The following BCAS3 variants were observed in gnomAD, a reference collection of about 807,000 sequenced individuals.
BCAS3 encodes the protein BCAS3 microtubule associated cell migration factor.
Under a neutral mutation model 116.1 loss-of-function variants are expected in BCAS3, and 53 were observed. That is an observed-to-expected ratio of 0.46 (90% CI 0.37 to 0.57). The LOEUF (loss-of-function observed/expected upper bound fraction) is 0.57, where lower values mean the gene tolerates loss of function less well. Ranked by LOEUF, BCAS3 falls within the 20% of genes least tolerant of loss-of-function variation. The pLI is 0.00. For synonymous variants in BCAS3, 391 were observed against 408.2 expected (o/e 0.96, Z 0.51); for missense variants, 917 against 1,165.4 (o/e 0.79, Z 3.10).
At chr17:61,179,128 A>C (rs1040494356) in intron 22 of BCAS3, among the ~76,000 whole-genome samples, 1 of 152,116 alleles carries the variant, frequency 6.6e-6, no homozygotes, top group Admixed American at 6.5e-5. Flanking sequence ...ACTTACACCC[A>C]GGTAGATTAG....
In BCAS3 at chr17:61,366,620, C is replaced by G. The variant is rs1474221262; in HGVS notation, c.2426-1707C>G. On this transcript the variant is annotated intron_variant, in intron 22 of 23. Transcript: ENST00000407086. This position sits in a 1 kb window ranked among gnomAD's most constrained non-coding sequence, Gnocchi z 4.5. ...CCCCATTTTCCAGAGCCTAGCTTAC[C>G]AGATCTACAGCCTGACCCTACTTGA... 6.6e-6 allele frequency among the ~76,000 whole-genome samples: 1 copy of G among 152,178 alleles called. No homozygotes were observed. Among genetic ancestry groups the G allele is most frequent in the Admixed American group, 6.5e-5 (1 of 15,274 alleles).
chr17:61,207,829 AAG>A (rs1347259586), intron 22 of BCAS3, among the ~76,000 whole-genome samples: 1 of 152,146 alleles, frequency 6.6e-6, no homozygotes, highest in East Asian at 1.9e-4. Context: ...GATTTAAACT[AAG>A]AGAAATAAGG....
Position 60,770,400 on chromosome 17 carries a change from C to CTT in BCAS3, c.403+23157_403+23158dup, listed in dbSNP as rs35691381. Among the ~76,000 whole-genome samples, 203 of 76,888 alleles carry CTT rather than the reference C, an allele frequency of 2.6e-3. 71 individuals carry two copies. The highest frequency in any genetic ancestry group is 4.7e-3 in the Non-Finnish European group (161 of 33,966). 50.4% of individuals were successfully genotyped at this position (76,888 alleles called of 152,430 possible). ...CGCCTCTCTCATCCCAGTGTTCCCT[C>CTT]TTTTTTTTTTTTTTTTTTTTTTTTT... On this transcript the variant is annotated intron_variant, in intron 6 of 23. Coordinates refer to ENST00000407086, the MANE Select transcript of BCAS3 (RefSeq NM_017679.5).
chr17:60,799,211 G>A (rs927989128), intron 6 of BCAS3, among the ~76,000 whole-genome samples: 5 of 152,072 alleles, frequency 3.3e-5, no homozygotes, highest in African/African-American at 9.7e-5. Context: ...CTAGCAAGAA[G>A]TTTTCTCTTT....
Position 60,960,421 on chromosome 17 carries a change from A to G in BCAS3, c.1221+13069A>G, listed in dbSNP as rs1342736029. 6.6e-6 allele frequency among the ~76,000 whole-genome samples: 1 copy of G among 152,234 alleles called. No homozygotes were observed. Among genetic ancestry groups the G allele is most frequent in the African/African-American group, 2.4e-5 (1 of 41,460 alleles). ...AAGTTACCTCCTGCCAAAATACAGT[A>G]GTAGGATATGCGTAGGATAGACATT... On this transcript the variant is annotated intron_variant, in intron 14 of 23. Transcript: ENST00000407086. The surrounding 1 kb of genome is among the most constrained non-coding windows in gnomAD (Gnocchi z 4.1).
In BCAS3 at chr17:60,814,298, T is replaced by C. The variant is rs1447112967; in HGVS notation, c.476+6222T>C. Among the ~76,000 whole-genome samples, 413 of 115,104 alleles carry C rather than the reference T, an allele frequency of 3.6e-3. 1 individual carries two copies. Among genetic ancestry groups the C allele is most frequent in the African/African-American group, 0.017 (309 of 18,178 alleles). 75.5% of individuals were successfully genotyped at this position (115,104 alleles called of 152,430 possible). A position where few individuals can be genotyped will look rare whatever the true frequency, so the allele number is the denominator to read the frequency against. On this transcript the variant is annotated intron_variant, in intron 7 of 23. Coordinates refer to ENST00000407086, the MANE Select transcript of BCAS3 (RefSeq NM_017679.5). ...GTGTGTGTGTGTGTGTGTGTGTGTG[T>C]GTGTGTGTGCGCGCGTGCCCATTGC...
In BCAS3 at chr17:61,276,493, A is replaced by T. The variant is rs942251763; in HGVS notation, c.2426-91834A>T. On this transcript the variant is annotated intron_variant, in intron 22 of 23. Coordinates refer to ENST00000407086, the MANE Select transcript of BCAS3 (RefSeq NM_017679.5). This position sits in a 1 kb window ranked among gnomAD's most constrained non-coding sequence, Gnocchi z 4.2. ...AGTACTCAGGAATAAATTTAACCGA[A>T]GTAAAAATTTTATAAACTACAAATC... is the stretch of plus-strand genomic sequence containing the variant. Among the ~76,000 whole-genome samples the T allele has an allele frequency of 6.6e-5, 10 of 152,246 alleles. No individual in the cohort carries two copies.
chr17:60,818,630 C>T (rs550680382), intron 7 of BCAS3, among the ~76,000 whole-genome samples: 104 of 152,196 alleles, frequency 6.8e-4, no homozygotes, highest in African/African-American at 2.4e-3. Context: ...TAGATTTATG[C>T]CGTTTTCCCA....
chr17:61,116,270 A>C (rs201597357), intron 22 of BCAS3, among the ~76,000 whole-genome samples: 1,123 of 41,770 alleles, frequency 0.027, 10 homozygotes, highest in African/African-American at 0.06. Context: ...ATAAATAAAT[A>C]AATAAAATAA....
rs1651519185 is a variant in BCAS3 at position 61,300,515 on chromosome 17, AG to A, written c.2426-67811del. ...TACCAGATTTCATTGCAGACTCTTT[AG>A]AAAAAATGTATGGCATCTTGACGCA... On this transcript the variant is annotated intron_variant, in intron 22 of 23. Transcript: ENST00000407086. The surrounding 1 kb of genome is among the most constrained non-coding windows in gnomAD (Gnocchi z 5.1). Among the ~76,000 whole-genome samples, 1 of 152,190 alleles carries A rather than the reference AG, an allele frequency of 6.6e-6. No individual in the cohort carries two copies. Among genetic ancestry groups the A allele is most frequent in the East Asian group, 1.9e-4 (1 of 5,196 alleles).
rs544523165 is a variant in BCAS3, at chr17:61,269,407, G to A, written c.2426-98920G>A. The stretch of plus-strand genomic sequence containing the variant: ...TGGGATTACAGGCATGAGCCACCGC[G>A]CCCGGCCATTATATTTTCAATTCTT... On this transcript the variant is annotated intron_variant, in intron 22 of 23. Transcript: ENST00000407086. Among the ~76,000 whole-genome samples the A allele has an allele frequency of 1.7e-4, 26 of 152,184 alleles. 2 individuals carry two copies. In the South Asian group the frequency reaches 3.9e-3, roughly 23 times the overall value.
At chr17:60,698,630 A>C (rs549717790) in intron 4 of BCAS3, among the ~76,000 whole-genome samples, 77 of 152,344 alleles carry the variant, frequency 5.1e-4, no homozygotes, top group Admixed American at 2.9e-3. Flanking sequence ...TGGGATCAAG[A>C]TGGTACTTGT....
intron 22 of BCAS3, among the ~76,000 whole-genome samples, chr17:61,237,344 A>T (rs2083140919): frequency 6.6e-6 from 1 of 152,244 alleles, no homozygotes; most frequent in Non-Finnish European, 1.5e-5. Flanking sequence ...ACCAATCAGG[A>T]TCCTAAAAGT....
chr17:61,003,623 C>T (rs1156255011), intron 15 of BCAS3, among the ~76,000 whole-genome samples: 2 of 151,890 alleles, frequency 1.3e-5, no homozygotes, highest in South Asian at 2.1e-4. Context: ...CTTGACTGTC[C>T]ATTATACTTA....
intron 14 of BCAS3, among the ~76,000 whole-genome samples, chr17:60,982,222 C>A (rs887045186): frequency 2.6e-5 from 4 of 151,932 alleles, no homozygotes; most frequent in African/African-American, 9.7e-5. Context: ...CTATATTCTA[C>A]CTTGAAAACA....
In BCAS3 at chr17:61,122,251, G is replaced by A. The variant is rs2075827721; in HGVS notation, c.2425+37687G>A. Among the ~76,000 whole-genome samples, 1 of 152,184 alleles carries A rather than the reference G, an allele frequency of 6.6e-6. No homozygotes were observed. The highest frequency in any genetic ancestry group is 2.1e-4 in the South Asian group (1 of 4,832). On this transcript the variant is annotated intron_variant, in intron 22 of 23. Coordinates refer to ENST00000407086, the MANE Select transcript of BCAS3 (RefSeq NM_017679.5). This position sits in a 1 kb window ranked among gnomAD's most constrained non-coding sequence, Gnocchi z 4.6. ...TTGCTAGAAATTGTGATGTGAATAA[G>A]TAAAAATTTACTAGAGTCTCTGATA...
intron 16 of BCAS3, among the ~76,000 whole-genome samples, chr17:61,024,628 G>A (rs1170390712): frequency 6.7e-6 from 1 of 149,678 alleles, no homozygotes; most frequent in Non-Finnish European, 1.5e-5. Context: ...GTTACTGCCT[G>A]GAAAGGAAAA....
chr17:61,049,705 T>TTTTTCTTTTC (rs757647271), intron 19 of BCAS3, among the ~76,000 whole-genome samples: 6 of 148,916 alleles, frequency 4.0e-5, no homozygotes, highest in African/African-American at 1.0e-4. Flanking sequence ...GATAAGCAGA[T>TTTTTCTTTTC]TTTTCTTTTC....
intron 22 of BCAS3, among the ~76,000 whole-genome samples, chr17:61,179,096 A>G (rs1179444540): frequency 6.6e-6 from 1 of 152,126 alleles, no homozygotes; most frequent in Non-Finnish European, 1.5e-5. Flanking sequence ...TTTATTAAAA[A>G]AAAATACTCA....
Sources: allele counts gnomAD v4.1 joint callset (sites outside exome capture counted in the v4.1 genomes callset), GRCh38; gene constraint gnomAD v4.1.1; non-coding constraint Gnocchi (gnomAD v3.1); transcripts MANE v1.5; gene names NCBI Gene and HGNC (gene_info 2026-07-23, HGNC 2026-07-21).